The following ITPR2 variants were observed in gnomAD, a reference collection of about 807,000 sequenced individuals.
The protein encoded by ITPR2 is inositol 1,4,5-trisphosphate receptor type 2, also known as inositol 1,4,5-trisphosphate-gated calcium channel ITPR2.
ITPR2 carries 207 observed loss-of-function variants against 317.1 expected under a neutral mutation model. That is an observed-to-expected ratio of 0.65 (90% confidence interval 0.58 to 0.73). The LOEUF (loss-of-function observed/expected upper bound fraction) is 0.73. Among genes scored for constraint, ITPR2 ranks in the 30% least tolerant of loss-of-function variants. The pLI is 0.00. For synonymous variants in ITPR2, 1,156 were observed against 1,149.1 expected, an observed-to-expected ratio of 1.01 and a Z score of -0.12; for missense variants, 2,613 against 3,284.0, an observed-to-expected ratio of 0.80 and a Z score of 4.99.
rs371730693 is a variant in ITPR2 at position 26,512,821 on chromosome 12, ATT to A, written c.5074-17563_5074-17562del. Among the ~76,000 whole-genome samples, 1,199 of 135,332 alleles carry A rather than the reference ATT, an allele frequency of 8.9e-3. 13 individuals carry two copies. The highest frequency in any genetic ancestry group is 0.027 in the African/African-American group (994 of 36,506). 88.8% of individuals were successfully genotyped at this position (135,332 alleles called of 152,430 possible). On this transcript the variant is annotated intron_variant, in intron 37 of 56. Coordinates refer to ENST00000381340, the MANE Select transcript of ITPR2 (RefSeq NM_002223.4). ...TCTCAACGGACAGGGAAGGGAAACA[ATT>A]TTTTTTTTTTTTTTTTTGAGACAGA...
chr12:26,335,837 C>G lies in ITPR2; in HGVS notation c.*3560G>C, dbSNP rs1937898666. 6.6e-6 allele frequency: 1 copy of G among 152,222 alleles called. No individual in the cohort carries two copies. Among genetic ancestry groups the G allele is most frequent in the Non-Finnish European group, 1.5e-5 (1 of 68,062 alleles). 9.4% of individuals were successfully genotyped at this position (152,222 alleles called of 1,614,324 possible). A position where few individuals can be genotyped will look rare whatever the true frequency, so the allele number is the denominator to read the frequency against. On this transcript the variant is annotated 3_prime_UTR_variant, in exon 57 of 57. Coordinates refer to ENST00000381340, the MANE Select transcript of ITPR2 (RefSeq NM_002223.4). ...TGACTTGCCAAGCTCCTGCAGGCATCTGTGTTTGTGCTGAAGATGTCTGTC... is the reference window on the plus strand; with the variant it reads ...TGACTTGCCAAGCTCCTGCAGGCATGTGTGTTTGTGCTGAAGATGTCTGTC...
At chr12:26,596,800 G>T (rs1390175950) in intron 31 of ITPR2, 83 bp downstream of exon 31, 17 of 1,113,268 alleles carry the variant, frequency 1.5e-5, no homozygotes, top group Non-Finnish European at 2.2e-5. Flanking sequence ...ATAAATATTA[G>T]TATGGGGGAC....
chr12:26,648,503 C>A (rs1352927246), intron 21 of ITPR2, among the ~76,000 whole-genome samples: 1 of 147,364 alleles, frequency 6.8e-6, no homozygotes, highest in Non-Finnish European at 1.5e-5. Context: ...GTTTATAAAA[C>A]CACTTTCTTT....
At chr12:26,564,246 C>T (rs1944891297) in intron 34 of ITPR2, among the ~76,000 whole-genome samples, 2 of 151,784 alleles carry the variant, frequency 1.3e-5, no homozygotes, top group Non-Finnish European at 2.9e-5. Context: ...GAGGGTAAAC[C>T]CAGGAATTTA....
intron 9 of ITPR2, among the ~76,000 whole-genome samples, chr12:26,699,419 T>C (rs959212724): frequency 1.3e-5 from 2 of 152,186 alleles, no homozygotes; most frequent in African/African-American, 4.8e-5. Flanking sequence ...CTAATGCCCA[T>C]GGAACTCAGT....
chr12:26,555,150 C>G (rs1052193000), intron 36 of ITPR2, among the ~76,000 whole-genome samples: 4 of 152,168 alleles, frequency 2.6e-5, no homozygotes, highest in Non-Finnish European at 4.4e-5. Context: ...CAACATGATC[C>G]CTGTAGTCAG....
chr12:26,592,093 C>T (rs752010920), intron 32 of ITPR2, among the ~76,000 whole-genome samples: 4 of 152,162 alleles, frequency 2.6e-5, no homozygotes, highest in African/African-American at 9.7e-5. Context: ...ATCCAGTCAT[C>T]TGCAACAACA....
chr12:26,727,741 T>C (rs939354615), intron 2 of ITPR2, among the ~76,000 whole-genome samples: 1 of 152,194 alleles, frequency 6.6e-6, no homozygotes. Flanking sequence ...CACGGTCTAC[T>C]TGAAGCTTCA....
intron 37 of ITPR2, among the ~76,000 whole-genome samples, chr12:26,499,116 C>T (rs12809092): frequency 0.026 from 3,998 of 152,188 alleles, 78 homozygotes; most frequent in Non-Finnish European, 0.04. Flanking sequence ...TTTTAAAATG[C>T]CGTTTATACT....
intron 12 of ITPR2, among the ~76,000 whole-genome samples, chr12:26,682,266 C>T (rs1565689237): frequency 6.6e-6 from 1 of 152,202 alleles, no homozygotes; most frequent in South Asian, 2.1e-4. Flanking sequence ...TTCACACTTG[C>T]CCTCTGCTTC....
chr12:26,821,623 C>G (rs765067027), intron 1 of ITPR2, among the ~76,000 whole-genome samples: 11 of 152,146 alleles, frequency 7.2e-5, no homozygotes, highest in Non-Finnish European at 1.5e-5. Flanking sequence ...GGTTTCTGTT[C>G]CTCACCAACA....
intron 13 of ITPR2, among the ~76,000 whole-genome samples, chr12:26,675,197 G>T (rs1947878860): frequency 6.6e-6 from 1 of 152,096 alleles, no homozygotes; most frequent in Non-Finnish European, 1.5e-5. Flanking sequence ...CCATTACTGG[G>T]TATATACCCA....
At chr12:26,635,519 TCATTTAATTGTTCTATGACTACTAAA>T (rs1455441300) in intron 21 of ITPR2, among the ~76,000 whole-genome samples, 1 of 152,248 alleles carries the variant, frequency 6.6e-6, no homozygotes, top group Non-Finnish European at 1.5e-5. Flanking sequence ...TTGTTCACAG[TCATTTAATTGTTCTATGACTACTAAA>T]ATCAGCTCAA....
At chr12:26,457,549 T>C (rs1941922302) in intron 45 of ITPR2, among the ~76,000 whole-genome samples, 1 of 152,192 alleles carries the variant, frequency 6.6e-6, no homozygotes, top group Non-Finnish European at 1.5e-5. Flanking sequence ...ACAGAACGCG[T>C]GGATGAACAG....
chr12:26,783,012 G>T (rs1485314232), intron 2 of ITPR2, among the ~76,000 whole-genome samples: 3 of 152,206 alleles, frequency 2.0e-5, no homozygotes, highest in Non-Finnish European at 4.4e-5. Flanking sequence ...TTATACACAT[G>T]AGTGTGTAAC....
At chr12:26,810,838 T>C (rs577358076) in intron 1 of ITPR2, among the ~76,000 whole-genome samples, 2 of 152,264 alleles carry the variant, frequency 1.3e-5, no homozygotes, top group African/African-American at 4.8e-5. Context: ...TTCATTTATT[T>C]ATTTATTTTT....
At chr12:26,791,338 T>C (rs1036481249) in intron 1 of ITPR2, among the ~76,000 whole-genome samples, 8 of 151,760 alleles carry the variant, frequency 5.3e-5, no homozygotes, top group African/African-American at 1.9e-4. Context: ...TATGAATTCA[T>C]TTAAAGGGAG....
rs530273171 is a variant in ITPR2, at chr12:26,510,275, C to T, written c.5074-15015G>A. On this transcript the variant is annotated intron_variant, in intron 37 of 56. Transcript: ENST00000381340. ...CACTATAATTACAACCAGGCTACTC[C>T]ACCCACCATCCTTTTACTCCTTCTC... Among the ~76,000 whole-genome samples the T allele has an allele frequency of 9.3e-4, 142 of 152,196 alleles. 1 individual carries two copies. The highest frequency in any genetic ancestry group is 3.0e-3 in the African/African-American group (125 of 41,514).
intron 45 of ITPR2, among the ~76,000 whole-genome samples, chr12:26,446,318 G>T (rs1476382504): frequency 6.6e-6 from 1 of 152,028 alleles, no homozygotes; most frequent in Non-Finnish European, 1.5e-5. Flanking sequence ...TATACGCATG[G>T]AGTAGAGAGT....
Sources: allele counts gnomAD v4.1 joint callset (sites outside exome capture counted in the v4.1 genomes callset), GRCh38; gene constraint gnomAD v4.1.1; transcripts MANE v1.5; gene names NCBI Gene and HGNC (gene_info 2026-07-23, HGNC 2026-07-21).